Variants in TRIB1 observed in about 807,000 individuals in gnomAD.
TRIB1 encodes the protein tribbles homolog 1.
A neutral mutation model predicts 27.8 loss-of-function variants in TRIB1; 12 were observed. The observed-to-expected ratio is 0.43, with a 90% confidence interval of 0.28 to 0.70. The LOEUF is 0.70. Ranked by LOEUF, TRIB1 falls within the 30% of genes least tolerant of loss-of-function variation. The probability of loss-of-function intolerance (pLI) is 0.18; values close to 1 mark genes in which losing one functional copy is unlikely to be tolerated. For missense variants in TRIB1, 475 were observed against 515.8 expected (o/e 0.92, Z 0.77); for synonymous variants, 230 against 224.9 (o/e 1.02, Z -0.20).
At chr8:125,435,855 C>T (rs1192739320) in intron 2 of TRIB1, 151 bp from the exon 3 acceptor site, 14 of 654,020 alleles carry the variant, frequency 2.1e-5, no homozygotes, top group Non-Finnish European at 1.3e-5. Context: ...CAGGAGCCCT[C>T]GGTAGTTGCA....
At chr8:125,434,016 G>T (rs1208629574) in intron 2 of TRIB1, among the ~76,000 whole-genome samples, 3 of 152,172 alleles carry the variant, frequency 2.0e-5, no homozygotes, top group African/African-American at 7.2e-5. Flanking sequence ...GTTTCACAGA[G>T]CTAGTGAGAC....
chr8:125,436,286 A>G lies in TRIB1; in HGVS notation c.934A>G (p.Arg312Gly), dbSNP rs774250787. 1.3e-5 allele frequency: 21 copies of G among 1,613,934 alleles called. No individual in the cohort carries two copies. Among genetic ancestry groups the G allele is most frequent in the Middle Eastern group, 1.6e-4 (1 of 6,084 alleles). ...CIPEHISPKA[R>G]CLIRSLLRRE... is the part of the protein sequence containing the mutation. The stretch of plus-strand genomic sequence containing the variant: ...TCCTGAGCACATTTCCCCCAAAGCC[A>G]GGTGCCTCATTCGCAGCCTCTTGAG... Residue 312 changes from arginine (R) to glycine (G), a missense_variant, in exon 3 of 3, where the codon AGG becomes GGG. Transcript: ENST00000311922.
At chr8:125,434,555 A>G (rs1219937114) in intron 2 of TRIB1, among the ~76,000 whole-genome samples, 1 of 152,272 alleles carries the variant, frequency 6.6e-6, no homozygotes, top group Admixed American at 6.5e-5. Flanking sequence ...TTAGCAAAGA[A>G]AAGCAAACTG....
At chr8:125,435,397 T>C (rs1170966612) in intron 2 of TRIB1, among the ~76,000 whole-genome samples, 1 of 152,176 alleles carries the variant, frequency 6.6e-6, no homozygotes, top group Admixed American at 6.5e-5. Context: ...GTAATTAACA[T>C]TCCTTGCAAC....
rs759347835 is a variant in TRIB1 at position 125,438,331 on chromosome 8, C to G, written c.*1860C>G. ...AAACACTAGGTTCTTCCTGTACATA[C>G]GTGTATATATGTGAACAGTGAGATG... On this transcript the variant is annotated 3_prime_UTR_variant, in exon 3 of 3. Coordinates refer to ENST00000311922, the MANE Select transcript of TRIB1 (RefSeq NM_025195.4). 5 of 152,322 alleles carry G rather than the reference C, an allele frequency of 3.3e-5. No individual in the cohort carries two copies. The highest frequency in any genetic ancestry group is 7.3e-5 in the Non-Finnish European group (5 of 68,038). The allele number at this position is 152,322 out of a possible 1,614,324, so 9.4% of individuals were successfully genotyped here.
chr8:125,436,102 C>T lies in TRIB1; in HGVS notation c.750C>T (p.Ser250=). 1 of 1,614,134 alleles carries T rather than the reference C, an allele frequency of 6.2e-7. No individual in the cohort carries two copies. The highest frequency in any genetic ancestry group is 8.5e-7 in the Non-Finnish European group (1 of 1,180,014). ...AACATGGCTGCCCAGCCTACGTGAGCCCTGAGATCCTCAACACCACTGGGA... is the reference window on the plus strand; with the variant it reads ...AACATGGCTGCCCAGCCTACGTGAGTCCTGAGATCCTCAACACCACTGGGA... ...SDKHGCPAYV[S]PEILNTTGTY... Residue 250 remains serine, a synonymous_variant, in exon 3 of 3, where the codon AGC becomes AGT. Transcript: ENST00000311922.
In TRIB1 at chr8:125,435,995, C is replaced by T. The variant is rs754664217; in HGVS notation, c.654-11C>T. On this transcript the variant is annotated splice_polypyrimidine_tract_variant and intron_variant, in intron 2 of 2. Transcript: ENST00000311922. ...GTGTGGAAATAATGGCTTGGTTCCTCTCTCTTGCAGAACCCAGCTTAGACT... is the reference window on the plus strand; with the variant it reads ...GTGTGGAAATAATGGCTTGGTTCCTTTCTCTTGCAGAACCCAGCTTAGACT... The T allele has an allele frequency of 1.2e-6, 2 of 1,604,508 alleles. No homozygotes were observed. The highest frequency in any genetic ancestry group is 8.5e-7 in the Non-Finnish European group (1 of 1,174,660).
At position 125,436,142 on chromosome 8, in the gene TRIB1, G is replaced by C; in HGVS notation, c.790G>C (p.Ala264Pro). 1 of 1,614,180 alleles carries C rather than the reference G, an allele frequency of 6.2e-7. No homozygotes were observed. The part of the protein sequence containing the change: ...LNTTGTYSGK[A>P]ADVWSLGVML... ...CACCACTGGGACCTACTCCGGAAAGGCTGCGGACGTTTGGAGCCTGGGGGT... is the reference window on the plus strand; with the variant it reads ...CACCACTGGGACCTACTCCGGAAAGCCTGCGGACGTTTGGAGCCTGGGGGT... Residue 264 changes from alanine to proline, a missense_variant, in exon 3 of 3, where the codon GCT (alanine) becomes CCT (proline). Physicochemically the swap from Ala to Pro is conservative, Grantham distance 27. Coordinates refer to ENST00000311922, the MANE Select transcript of TRIB1 (RefSeq NM_025195.4).
chr8:125,434,158 G>A (rs1814709760), intron 2 of TRIB1, among the ~76,000 whole-genome samples: 1 of 152,160 alleles, frequency 6.6e-6, no homozygotes, highest in Non-Finnish European at 1.5e-5. Context: ...TCAGAAAATA[G>A]CCACATTGAA....
In TRIB1 at chr8:125,433,742, T is replaced by C; in HGVS notation, c.653+133T>C. 8.6e-7 allele frequency: 1 copy of C among 1,168,016 alleles called. No individual in the cohort carries two copies. 72.4% of individuals were successfully genotyped at this position (1,168,016 alleles called of 1,614,324 possible). ...ATGTCCCAGATTTAGTATTTAGAGCTTCTGTTCCTGAGGAGTCACAGCCAA... is the reference window on the plus strand; with the variant it reads ...ATGTCCCAGATTTAGTATTTAGAGCCTCTGTTCCTGAGGAGTCACAGCCAA... On this transcript the variant is annotated intron_variant, in intron 2 of 2. Transcript: ENST00000311922. This position sits in a 1 kb window ranked among gnomAD's most constrained non-coding sequence, Gnocchi z 4.4.
rs771096580 is a variant in TRIB1 at position 125,430,960 on chromosome 8, G to T, written c.58G>T (p.Ala20Ser). 91 of 1,473,096 alleles carry T rather than the reference G, an allele frequency of 6.2e-5. No individual in the cohort carries two copies. Among genetic ancestry groups the T allele is most frequent in the Admixed American group, 7.5e-5 (3 of 40,170 alleles). 91.3% of individuals were successfully genotyped at this position (1,473,096 alleles called of 1,614,324 possible). Residue 20 changes from alanine to serine, a missense_variant, in exon 1 of 3, where the codon GCC becomes TCC. By Grantham distance (99) the Ala-to-Ser change is moderately conservative. Coordinates refer to ENST00000311922, the MANE Select transcript of TRIB1 (RefSeq NM_025195.4). ...CGGCGCCTCGCAGCCCCGCGGCCCG[G>T]CCCTGCTCTTCCCAGCCACCCGAGG... Reference protein sequence around the residue: ...MSGASQPRGPALLFPATRGVP... With the variant: ...MSGASQPRGPSLLFPATRGVP...
intron 1 of TRIB1, chr8:125,432,952 C>G (rs533899236): frequency 5.5e-5 from 11 of 200,426 alleles, no homozygotes; most frequent in Middle Eastern, 2.1e-3. Context: ...TTCCTTCTAT[C>G]AGCCACTCAA....
Position 125,436,470 on chromosome 8 carries a change from A to G in TRIB1, c.1118A>G (p.Ter373=). 6.2e-7 allele frequency: 1 copy of G among 1,612,692 alleles called. No individual in the cohort carries two copies. The highest frequency in any genetic ancestry group is 2.2e-5 in the East Asian group (1 of 44,860). ...EDSDISSFFC[*] is the part of the protein sequence containing the mutation. ...AGTGACATTAGTTCCTTCTTCTGCT[A>G]ATCCCCAAAACCTCAGAAACCTCAT... The change falls in exon 3 of 3, where the codon TAA becomes TGA. Residue 373 remains the stop codon, a stop_retained_variant. Coordinates refer to ENST00000311922, the MANE Select transcript of TRIB1 (RefSeq NM_025195.4).
Position 125,436,271 on chromosome 8 carries a change from A to G in TRIB1, c.919A>G (p.Ile307Val). ...RRGQFCIPEH[I>V]SPKARCLIRS... ...TGGACAGTTCTGCATTCCTGAGCAC[A>G]TTTCCCCCAAAGCCAGGTGCCTCAT... Residue 307 changes from isoleucine to valine, a missense_variant, in exon 3 of 3, where the codon ATT (isoleucine) becomes GTT (valine). By Grantham distance (29) the Ile-to-Val change is conservative. Transcript: ENST00000311922. 2 of 1,613,738 alleles carry G rather than the reference A, an allele frequency of 1.2e-6. No individual in the cohort carries two copies. The highest frequency in any genetic ancestry group is 1.6e-4 in the Middle Eastern group (1 of 6,062).
In TRIB1 at chr8:125,433,924, TTAAAC is replaced by T. The variant is rs1379883800; in HGVS notation, c.653+317_653+321del. ...AGGTCAGTTGTCTGGGGTACAAATA[TTAAAC>T]TGCCCTTTACGATATTGCCTTCTGA... is the stretch of plus-strand genomic sequence containing the variant. On this transcript the variant is annotated intron_variant, in intron 2 of 2. Coordinates refer to ENST00000311922, the MANE Select transcript of TRIB1 (RefSeq NM_025195.4). The surrounding 1 kb of genome is among the most constrained non-coding windows in gnomAD (Gnocchi z 4.4). 3.1e-4 allele frequency among the ~76,000 whole-genome samples: 47 copies of T among 152,322 alleles called. No homozygotes were observed. The East Asian group carries it at 7.5e-3, about 24-fold the overall frequency.
At position 125,437,305 on chromosome 8, in the gene TRIB1, C is replaced by G. The variant is rs564442600; in HGVS notation, c.*834C>G. On this transcript the variant is annotated 3_prime_UTR_variant, in exon 3 of 3. Coordinates refer to ENST00000311922, the MANE Select transcript of TRIB1 (RefSeq NM_025195.4). ...AAGTTCCTTCCAAATATGTTAGTAC[C>G]TACCCTTTACTTTTTCCCCAAGACC... The G allele has an allele frequency of 5.9e-5, 9 of 152,400 alleles. No homozygotes were observed. The highest frequency in any genetic ancestry group is 2.2e-4 in the African/African-American group (9 of 41,528). 9.4% of individuals were successfully genotyped at this position (152,400 alleles called of 1,614,324 possible).
chr8:125,430,886 C>A lies in TRIB1; in HGVS notation c.-17C>A. The A allele has an allele frequency of 7.1e-7, 1 of 1,398,770 alleles. No individual in the cohort carries two copies. The highest frequency in any genetic ancestry group is 3.1e-5 in the East Asian group (1 of 32,476). The allele number at this position is 1,398,770 out of a possible 1,614,324, so 86.6% of individuals were successfully genotyped here. A position where few individuals can be genotyped will look rare whatever the true frequency, so the allele number is the denominator to read the frequency against. ...CCCGGGACTTAAAAAGCCGGGGCCA[C>A]CCCGGCCCAGGACGGGATGCGGGTC... On this transcript the variant is annotated 5_prime_UTR_variant, in exon 1 of 3. Coordinates refer to ENST00000311922, the MANE Select transcript of TRIB1 (RefSeq NM_025195.4).
At position 125,436,878 on chromosome 8, in the gene TRIB1, G is replaced by T. The variant is rs1814761335; in HGVS notation, c.*407G>T. The T allele has an allele frequency of 1.4e-5, 3 of 213,590 alleles. No homozygotes were observed. In the South Asian group the frequency reaches 2.1e-4, roughly 15 times the overall value. 13.2% of individuals were successfully genotyped at this position (213,590 alleles called of 1,614,324 possible). ...GTATTTTTCACAGGGTGACAAATTG[G>T]GCCAATAAATCTGCCATCTTTGAAC... On this transcript the variant is annotated 3_prime_UTR_variant, in exon 3 of 3. Transcript: ENST00000311922.
Position 125,431,279 on chromosome 8 carries a change from C to G in TRIB1, c.360+17C>G, listed in dbSNP as rs752401759. The G allele has an allele frequency of 1.6e-6, 2 of 1,254,342 alleles. No individual in the cohort carries two copies. The highest frequency in any genetic ancestry group is 2.0e-6 in the Non-Finnish European group (2 of 1,000,552). 77.7% of individuals were successfully genotyped at this position (1,254,342 alleles called of 1,614,324 possible). A position where few individuals can be genotyped will look rare whatever the true frequency, so the allele number is the denominator to read the frequency against. On this transcript the variant is annotated intron_variant, in intron 1 of 2. Coordinates refer to ENST00000311922, the MANE Select transcript of TRIB1 (RefSeq NM_025195.4). ...CGCTGCAAGGTAGGCGCTCCCGGGC[C>G]AGGACCCGGCTGGGGTCGGGGGCGC...
Sources: allele counts gnomAD v4.1 joint callset (sites outside exome capture counted in the v4.1 genomes callset), GRCh38; gene constraint gnomAD v4.1.1; non-coding constraint Gnocchi (gnomAD v3.1); transcripts MANE v1.5; gene names NCBI Gene and HGNC (gene_info 2026-07-23, HGNC 2026-07-21).